The following SLC1A1 variants were observed in gnomAD, a reference collection of about 807,000 sequenced individuals.
SLC1A1 encodes the protein excitatory amino acid transporter 3.
Under a neutral mutation model 53.3 loss-of-function variants are expected in SLC1A1, and 43 were observed. The ratio of observed to expected loss-of-function variants is 0.81; its 90% CI spans 0.63 to 1.04. SLC1A1 has a LOEUF of 1.04. Ranked by LOEUF, SLC1A1 falls within the 50% of genes least tolerant of loss-of-function variation. The probability of loss-of-function intolerance (pLI) is 0.00; values close to 1 mark genes in which losing one functional copy is unlikely to be tolerated. For missense variants in SLC1A1, 748 were observed against 664.9 expected, an observed-to-expected ratio of 1.12 and a Z score of -1.37; for synonymous variants, 307 against 243.2, an observed-to-expected ratio of 1.26 and a Z score of -2.44.
At chr9:4,499,444 A>G (rs2130797479) in intron 1 of SLC1A1, among the ~76,000 whole-genome samples, 1 of 152,328 alleles carries the variant, frequency 6.6e-6, no homozygotes, top group South Asian at 2.1e-4. Context: ...AAGAATTAGG[A>G]AAAGAAACTG....
Position 4,544,578 on chromosome 9 carries a change from G to T in SLC1A1, c.103G>T (p.Gly35Ter). ...VAAVVLGITT[G>*]VLVREHSNLS... ...CTTGTTTTCCTTAGGCATTACCACA[G>T]GAGTCTTGGTTCGAGAACACAGCAA... The change falls in exon 2 of 12, where the codon GGA becomes TGA. Residue 35 changes from glycine to a stop codon, truncating the protein, a stop_gained. Transcript: ENST00000262352. LOFTEE classifies it high-confidence loss of function. 1 of 1,613,720 alleles carries T rather than the reference G, an allele frequency of 6.2e-7. No individual in the cohort carries two copies. Among genetic ancestry groups the T allele is most frequent in the Non-Finnish European group, 8.5e-7 (1 of 1,179,732 alleles).
At chr9:4,531,039 G>T (rs1816448324) in intron 1 of SLC1A1, among the ~76,000 whole-genome samples, 1 of 152,218 alleles carries the variant, frequency 6.6e-6, no homozygotes, top group Non-Finnish European at 1.5e-5. Flanking sequence ...AGCCAAAGTT[G>T]TATTACTCAG....
At chr9:4,582,731 T>G (rs1821213617) in intron 10 of SLC1A1, among the ~76,000 whole-genome samples, 1 of 152,206 alleles carries the variant, frequency 6.6e-6, no homozygotes, top group Non-Finnish European at 1.5e-5. Flanking sequence ...ACTCCTGCTT[T>G]CCTCTTGAGT....
At position 4,586,123 on chromosome 9, in the gene SLC1A1, C is replaced by A; in HGVS notation, c.*565C>A. On this transcript the variant is annotated 3_prime_UTR_variant, in exon 12 of 12. Coordinates refer to ENST00000262352, the MANE Select transcript of SLC1A1 (RefSeq NM_004170.6). The stretch of plus-strand genomic sequence containing the variant: ...TCTGCAATAACAGTTTTAAGATGGG[C>A]ATAGGGTTTGGAAGAAAGGGAGAAG... 6.1e-6 allele frequency: 1 copy of A among 165,204 alleles called. No homozygotes were observed. Among genetic ancestry groups the A allele is most frequent in the East Asian group, 1.8e-4 (1 of 5,688 alleles). The allele number at this position is 165,204 out of a possible 1,614,324, so 10.2% of individuals were successfully genotyped here.
At chr9:4,521,620 G>A (rs1247316401) in intron 1 of SLC1A1, among the ~76,000 whole-genome samples, 1 of 152,126 alleles carries the variant, frequency 6.6e-6, no homozygotes, top group Non-Finnish European at 1.5e-5. Context: ...ATTTTTTCTT[G>A]TCATGATGAG....
At chr9:4,553,134 C>T (rs1564030234) in intron 2 of SLC1A1, among the ~76,000 whole-genome samples, 1 of 152,108 alleles carries the variant, frequency 6.6e-6, no homozygotes, top group Non-Finnish European at 1.5e-5. Flanking sequence ...CATTAGCTAG[C>T]TGCTGCTGTC....
chr9:4,513,753 G>A (rs974428143), intron 1 of SLC1A1, among the ~76,000 whole-genome samples: 2 of 152,208 alleles, frequency 1.3e-5, no homozygotes, highest in African/African-American at 4.8e-5. Flanking sequence ...GTATGTGAGT[G>A]TTTATAGCAG....
At position 4,585,497 on chromosome 9, in the gene SLC1A1, A is replaced by G. The variant is rs754989450; in HGVS notation, c.1514A>G (p.Asn505Ser). The change falls in exon 12 of 12, where the codon AAT becomes AGT. Residue 505 changes from asparagine to serine, a missense_variant. Asn to Ser is a conservative substitution (Grantham distance 46). Coordinates refer to ENST00000262352, the MANE Select transcript of SLC1A1 (RefSeq NM_004170.6). ...TCAGACACCAAGAAGTCTTATGTCAATGGAGGCTTTGCAGTAGACAAGTCT... is the reference window on the plus strand; with the variant it reads ...TCAGACACCAAGAAGTCTTATGTCAGTGGAGGCTTTGCAGTAGACAAGTCT... Reference protein sequence around the residue: ...EDSDTKKSYVNGGFAVDKSDT... With the variant: ...EDSDTKKSYVSGGFAVDKSDT... 3 of 1,614,220 alleles carry G rather than the reference A, an allele frequency of 1.9e-6. No individual in the cohort carries two copies. Among genetic ancestry groups the G allele is most frequent in the South Asian group, 2.2e-5 (2 of 91,080 alleles).
chr9:4,535,300 A>G (rs1816632657), intron 1 of SLC1A1, among the ~76,000 whole-genome samples: 2 of 152,194 alleles, frequency 1.3e-5, no homozygotes, highest in Admixed American at 1.3e-4. Context: ...TTGTGTATCT[A>G]GAAAACCCCA....
intron 2 of SLC1A1, among the ~76,000 whole-genome samples, chr9:4,555,045 C>G (rs1333448752): frequency 6.6e-6 from 1 of 152,164 alleles, no homozygotes; most frequent in Non-Finnish European, 1.5e-5. Context: ...TCACAATTAA[C>G]CTAAAGGCGA....
intron 1 of SLC1A1, among the ~76,000 whole-genome samples, chr9:4,536,404 AAAG>A (rs1172128000): frequency 1.3e-5 from 2 of 152,360 alleles, no homozygotes; most frequent in African/African-American, 4.8e-5. Flanking sequence ...ACACTTCTCA[AAAG>A]AAGACATTTA....
rs1821522228 is a variant in SLC1A1 at position 4,585,647 on chromosome 9, T to C, written c.*89T>C. On this transcript the variant is annotated 3_prime_UTR_variant, in exon 12 of 12. Transcript: ENST00000262352. ...TGCTTAAGGAAAAGAGAAACACTAA[T>C]GGCCAAGTGTACATTTGATTTGATA... The C allele has an allele frequency of 6.8e-7, 1 of 1,466,054 alleles. No homozygotes were observed. Among genetic ancestry groups the C allele is most frequent in the African/African-American group, 1.4e-5 (1 of 71,970 alleles). 90.8% of individuals were successfully genotyped at this position (1,466,054 alleles called of 1,614,324 possible).
At chr9:4,513,084 G>A (rs918310992) in intron 1 of SLC1A1, among the ~76,000 whole-genome samples, 2 of 151,740 alleles carry the variant, frequency 1.3e-5, no homozygotes, top group African/African-American at 4.8e-5. Context: ...ACTCCAAAAG[G>A]AAAAGAGTAA....
chr9:4,533,987 A>G (rs1816577620), intron 1 of SLC1A1, among the ~76,000 whole-genome samples: 10 of 152,140 alleles, frequency 6.6e-5, no homozygotes, highest in Admixed American at 6.5e-4. Flanking sequence ...TGAAGGCAGA[A>G]ATAAAGATGT....
rs1817780969 is a variant in SLC1A1, at chr9:4,549,803, TGCAACC to T, written c.232+5097_232+5102del. On this transcript the variant is annotated intron_variant, in intron 2 of 11. Transcript: ENST00000262352. This position sits in a 1 kb window ranked among gnomAD's most constrained non-coding sequence, Gnocchi z 4.1. Reference sequence around the variant, plus strand: ...CATACCATAGTACCTGCTGGGTTATTGCAACCACCCTGCTTGTAGAACCTGGGAGTC... The same window carrying T: ...CATACCATAGTACCTGCTGGGTTATTACCCTGCTTGTAGAACCTGGGAGTC... Among the ~76,000 whole-genome samples the T allele has an allele frequency of 7.2e-5, 11 of 152,306 alleles. No homozygotes were observed. In the South Asian group the frequency reaches 2.3e-3, roughly 32 times the overall value.
In SLC1A1 at chr9:4,583,075, G is replaced by A. The variant is rs199813988; in HGVS notation, c.1231G>A (p.Val411Met). The change falls in exon 11 of 12, where the codon GTG becomes ATG. Residue 411 changes from valine to methionine, a missense_variant. Val to Met is a conservative substitution (Grantham distance 21). Transcript: ENST00000262352. This position sits in a 1 kb window ranked among gnomAD's most constrained non-coding sequence, Gnocchi z 4.6. Reference sequence around the variant, plus strand: ...ATCTGCCAGCATCGGAGCTGCTGGCGTGCCCCAGGCTGGCCTGGTGACCAT... The same window carrying A: ...ATCTGCCAGCATCGGAGCTGCTGGCATGCCCCAGGCTGGCCTGGTGACCAT... ...ATSASIGAAG[V>M]PQAGLVTMVI... 149 of 1,614,208 alleles carry A rather than the reference G, an allele frequency of 9.2e-5. 1 individual carries two copies. Among genetic ancestry groups the A allele is most frequent in the South Asian group, 5.6e-4 (51 of 91,084 alleles).
chr9:4,491,526 C>A (rs900813752), intron 1 of SLC1A1, among the ~76,000 whole-genome samples: 1 of 152,242 alleles, frequency 6.6e-6, no homozygotes, highest in African/African-American at 2.4e-5. Flanking sequence ...TGTTTTTAAA[C>A]AAGGGTGTAT....
chr9:4,539,587 T>A (rs1010438678), intron 1 of SLC1A1, among the ~76,000 whole-genome samples: 5 of 152,012 alleles, frequency 3.3e-5, no homozygotes, highest in East Asian at 1.9e-4. Context: ...TTATTTATTT[T>A]TTGAGATGGA....
At chr9:4,574,448 G>A (rs1037177845) in intron 8 of SLC1A1, among the ~76,000 whole-genome samples, 1 of 152,178 alleles carries the variant, frequency 6.6e-6, no homozygotes, top group Non-Finnish European at 1.5e-5. Context: ...GTAGGAGCAG[G>A]ATGGCTGTTG....
Sources: gnomAD v4.1 joint callset for allele counts (sites outside exome capture counted in the v4.1 genomes callset) on GRCh38, gnomAD v4.1.1 for gene constraint, Gnocchi (gnomAD v3.1) non-coding constraint, MANE v1.5 for transcripts, NCBI Gene and HGNC (gene_info 2026-07-23, HGNC 2026-07-21) for gene names.